Variants in MTCL1 observed in about 807,000 individuals in gnomAD.
MTCL1 encodes the protein microtubule crosslinking factor 1, also known as microtubule cross-linking factor 1.
A neutral mutation model predicts 141.4 loss-of-function variants in MTCL1; 79 were observed. That is an observed-to-expected ratio of 0.56 (90% CI 0.47 to 0.67). The LOEUF is 0.67. Among genes scored for constraint, MTCL1 ranks in the 30% least tolerant of loss-of-function variants. The probability of loss-of-function intolerance (pLI) is 0.00; values close to 1 mark genes in which losing one functional copy is unlikely to be tolerated. For missense variants in MTCL1, 2,177 were observed against 2,113.9 expected (o/e 1.03, Z -0.59); for synonymous variants, 914 against 875.8 (o/e 1.04, Z -0.77).
chr18:8,793,478 C>T (rs770797160), intron 8 of MTCL1, among the ~76,000 whole-genome samples: 9 of 152,148 alleles, frequency 5.9e-5, no homozygotes, highest in African/African-American at 1.4e-4. Context: ...GTGAATTTTC[C>T]GATAGAAAAA....
intron 4 of MTCL1, among the ~76,000 whole-genome samples, chr18:8,726,572 T>C (rs959528953): frequency 6.7e-6 from 1 of 150,120 alleles, no homozygotes; most frequent in African/African-American, 2.5e-5. Context: ...CTGGTGTTTC[T>C]TCCTCTTTTC....
chr18:8,749,750 T>A (rs1222569865), intron 4 of MTCL1, among the ~76,000 whole-genome samples: 1 of 152,176 alleles, frequency 6.6e-6, no homozygotes, highest in African/African-American at 2.4e-5. Flanking sequence ...TAGGGCATGA[T>A]CCTGGATCGT....
intron 4 of MTCL1, among the ~76,000 whole-genome samples, chr18:8,767,863 G>A (rs1021764272): frequency 5.9e-5 from 9 of 151,976 alleles, no homozygotes; most frequent in Non-Finnish European, 8.8e-5. Context: ...AGACCTGTTA[G>A]CGTTTTAGTG....
chr18:8,749,547 T>C (rs1162316538), intron 4 of MTCL1, among the ~76,000 whole-genome samples: 1 of 152,058 alleles, frequency 6.6e-6, no homozygotes, highest in Non-Finnish European at 1.5e-5. Context: ...AAGAGTGAAG[T>C]GAGAAGACAG....
Position 8,753,802 on chromosome 18 carries a change from A to G in MTCL1, c.358-24031A>G, listed in dbSNP as rs530495323. 9.4e-4 allele frequency among the ~76,000 whole-genome samples: 143 copies of G among 152,280 alleles called. No individual in the cohort carries two copies. The Middle Eastern group carries it at 0.014, about 14-fold the overall frequency. On this transcript the variant is annotated intron_variant, in intron 4 of 16. Transcript: ENST00000359865. ...ATGGTTCCAGCCTTGCATTCACGAC[A>G]CACCCAGCAAGCTGTGTAGGAGTGT... is the stretch of plus-strand genomic sequence containing the variant.
At chr18:8,790,283 CTAAA>C (rs2075675349) in intron 7 of MTCL1, among the ~76,000 whole-genome samples, 1 of 152,210 alleles carries the variant, frequency 6.6e-6, no homozygotes, top group Admixed American at 6.5e-5. Flanking sequence ...TAAAACCAAA[CTAAA>C]TAGTTCATGC....
At chr18:8,783,894 C>T in exon 6 of MTCL1, 1 of 1,613,344 alleles carries the variant, frequency 6.2e-7, no homozygotes, top group Non-Finnish European at 8.5e-7. Context: ...AGCATTCCTA[C>T]CTCACCCTTC....
At chr18:8,733,846 T>C (rs1380669610) in intron 4 of MTCL1, among the ~76,000 whole-genome samples, 2 of 152,194 alleles carry the variant, frequency 1.3e-5, no homozygotes, top group African/African-American at 2.4e-5. Context: ...TTTTCAATCT[T>C]GAAGTAACAC....
At chr18:8,731,551 G>C (rs1320034228) in intron 4 of MTCL1, among the ~76,000 whole-genome samples, 1 of 152,152 alleles carries the variant, frequency 6.6e-6, no homozygotes, top group African/African-American at 2.4e-5. Flanking sequence ...TCCAGCCTGG[G>C]GGGCAAGAGC....
intron 4 of MTCL1, among the ~76,000 whole-genome samples, chr18:8,755,240 T>C (rs1291457144): frequency 1.3e-5 from 2 of 152,218 alleles, no homozygotes; most frequent in Non-Finnish European, 2.9e-5. Context: ...ACCTAGGCCT[T>C]CTCCTGCCAA....
At chr18:8,831,296 A>G (rs2077184875) in intron 16 of MTCL1, 4 of 1,181,106 alleles carry the variant, frequency 3.4e-6, no homozygotes, top group South Asian at 4.3e-5. Context: ...GACCGCTGCC[A>G]CAGTCACTGT....
chr18:8,720,439 G>T, exon 4 of MTCL1: 1 of 1,614,128 alleles, frequency 6.2e-7, no homozygotes. Context: ...GACAGCAGAT[G>T]ATTGAAGTGG....
At chr18:8,786,443 G>A in intron 7 of MTCL1, 3 of 479,568 alleles carry the variant, frequency 6.3e-6, no homozygotes, top group Admixed American at 4.7e-5. Context: ...CCCAGCACGG[G>A]CTTCCCTGCT....
chr18:8,729,399 GTTAA>G (rs1437117547), intron 4 of MTCL1, among the ~76,000 whole-genome samples: 2 of 151,712 alleles, frequency 1.3e-5, no homozygotes, highest in Non-Finnish European at 2.9e-5. Context: ...TGTACATTAA[GTTAA>G]TTAATTAAAA....
rs139756156 is a variant in MTCL1 at position 8,738,718 on chromosome 18, G to A, written c.357+18222G>A. On this transcript the variant is annotated intron_variant, in intron 4 of 16. Transcript: ENST00000359865. ...ACCTACCTGGTGCATTGATAAGGAC[G>A]CACTGCTTTGAGAGTGGATAGGGAG... Among the ~76,000 whole-genome samples, 245 of 152,268 alleles carry A rather than the reference G, an allele frequency of 1.6e-3. 1 individual carries two copies. Among genetic ancestry groups the A allele is most frequent in the African/African-American group, 5.5e-3 (229 of 41,554 alleles).
At chr18:8,824,521 A>C (rs585117) in intron 14 of MTCL1, among the ~76,000 whole-genome samples, 178 bp from the exon 14 acceptor site, 2 of 152,136 alleles carry the variant, frequency 1.3e-5, no homozygotes, top group Non-Finnish European at 2.9e-5. Flanking sequence ...GCAGAGTCCA[A>C]TAAATGCCCG....
At chr18:8,794,255 G>T (rs746699177) in intron 8 of MTCL1, among the ~76,000 whole-genome samples, 3 of 152,218 alleles carry the variant, frequency 2.0e-5, no homozygotes, top group African/African-American at 7.2e-5. Context: ...CATGGCCCAC[G>T]TGTTTCTAGT....
upstream of MTCL1, among the ~76,000 whole-genome samples, chr18:8,716,568 C>CTTTTT (rs1567928941): frequency 1.8e-5 from 2 of 108,892 alleles, no homozygotes; most frequent in African/African-American, 6.8e-5. Context: ...TCTTTTTGTT[C>CTTTTT]ATTTTTTTTT....
intron 10 of MTCL1, among the ~76,000 whole-genome samples, chr18:8,805,439 C>A (rs1260527087): frequency 6.6e-6 from 1 of 152,224 alleles, no homozygotes; most frequent in Non-Finnish European, 1.5e-5. Flanking sequence ...GCCATGATTT[C>A]ATTCTTTTTT....
Sources: allele counts gnomAD v4.1 joint callset (sites outside exome capture counted in the v4.1 genomes callset), GRCh38; gene constraint gnomAD v4.1.1; transcripts MANE v1.5; gene names NCBI Gene and HGNC (gene_info 2026-07-23, HGNC 2026-07-21).